The following RERE variants were observed in gnomAD, a reference collection of about 807,000 sequenced individuals.
The protein encoded by RERE is arginine-glutamic acid dipeptide repeats protein.
In RERE, 40 loss-of-function variants were observed where a neutral mutation model predicts 146.1. That is an observed-to-expected ratio of 0.27 (90% CI 0.21 to 0.36). The LOEUF (loss-of-function observed/expected upper bound fraction) is 0.36. RERE is among the 10% of genes least tolerant of loss of function. The pLI, the probability that RERE is intolerant of heterozygous loss-of-function variation, is 1.00. For missense variants in RERE, 1,933 were observed against 2,138.7 expected (o/e 0.90, Z 1.90); for synonymous variants, 1,003 against 866.0 (o/e 1.16, Z -2.78).
At chr1:8,616,355 C>G (rs1646852609) in intron 3 of RERE, among the ~76,000 whole-genome samples, 1 of 152,112 alleles carries the variant, frequency 6.6e-6, no homozygotes, top group African/African-American at 2.4e-5. Context: ...TTGACAGTAT[C>G]TGTTTCCCTA....
At chr1:8,390,804 TAAC>T (rs1642859944) in intron 12 of RERE, among the ~76,000 whole-genome samples, 1 of 152,156 alleles carries the variant, frequency 6.6e-6, no homozygotes, top group African/African-American at 2.4e-5. Flanking sequence ...CTCCCCATCT[TAAC>T]AAGCAGCACT....
In RERE at chr1:8,607,534, C is replaced by CTTTTTTTTTTTTTTTTTTTTTTTTTTTT. The variant is rs1167501074; in HGVS notation, c.522+6999_522+7026dup. On this transcript the variant is annotated intron_variant, in intron 4 of 22. Coordinates refer to ENST00000400908, the MANE Select transcript of RERE (RefSeq NM_001042681.2). ...CGCATATTTGTTTTTATATATATTT[C>CTTTTTTTTTTTTTTTTTTTTTTTTTTTT]TTTTTTTTTTTTTTTTTTTTTTTTT... 1.9e-4 allele frequency among the ~76,000 whole-genome samples: 9 copies of CTTTTTTTTTTTTTTTTTTTTTTTTTTTT among 48,584 alleles called. 1 individual carries two copies. The highest frequency in any genetic ancestry group is 2.6e-4 in the African/African-American group (3 of 11,664). 31.9% of individuals were successfully genotyped at this position (48,584 alleles called of 152,430 possible). A position where few individuals can be genotyped will look rare whatever the true frequency, so the allele number is the denominator to read the frequency against.
At chr1:8,582,972 A>G (rs1223330629) in intron 4 of RERE, among the ~76,000 whole-genome samples, 4 of 152,206 alleles carry the variant, frequency 2.6e-5, no homozygotes, top group Admixed American at 2.0e-4. Context: ...GATCATATCA[A>G]TGGGGGTTGG....
chr1:8,706,688 C>T (rs553780743), intron 1 of RERE, among the ~76,000 whole-genome samples: 1 of 152,328 alleles, frequency 6.6e-6, no homozygotes, highest in African/African-American at 2.4e-5. Context: ...CCCTTTTACA[C>T]TGAACTTACT....
Position 8,775,846 on chromosome 1 carries a change from A to G in RERE, c.-145+41314T>C, listed in dbSNP as rs532462655. On this transcript the variant is annotated intron_variant, in intron 1 of 22. Coordinates refer to ENST00000400908, the MANE Select transcript of RERE (RefSeq NM_001042681.2). The stretch of plus-strand genomic sequence containing the variant: ...ACAATTTTATGAGGTAGGTATTACT[A>G]CTATCTCCATTTTGTATCGAGGAAG... Among the ~76,000 whole-genome samples, 6 of 152,308 alleles carry G rather than the reference A, an allele frequency of 3.9e-5. No homozygotes were observed. The South Asian group carries it at 1.2e-3, about 32-fold the overall frequency.
chr1:8,451,735 C>T (rs976840907), intron 11 of RERE, among the ~76,000 whole-genome samples: 2 of 152,122 alleles, frequency 1.3e-5, no homozygotes, highest in African/African-American at 4.8e-5. Flanking sequence ...GCCCATGTCC[C>T]ACCCTAGGGA....
At chr1:8,482,357 A>G (rs1313447781) in intron 10 of RERE, among the ~76,000 whole-genome samples, 1 of 152,128 alleles carries the variant, frequency 6.6e-6, no homozygotes, top group African/African-American at 2.4e-5. Context: ...GAAACAAAGT[A>G]CTAAATTTTA....
At chr1:8,804,012 TTAA>T (rs1218981472) in intron 1 of RERE, among the ~76,000 whole-genome samples, 6 of 152,214 alleles carry the variant, frequency 3.9e-5, no homozygotes, top group Non-Finnish European at 7.3e-5. Flanking sequence ...CTAAGAAATA[TTAA>T]TATTAATGAA....
chr1:8,693,579 G>A (rs2124422963), intron 1 of RERE, among the ~76,000 whole-genome samples: 1 of 152,264 alleles, frequency 6.6e-6, no homozygotes, highest in Admixed American at 6.5e-5. Flanking sequence ...GGTGGCCAGG[G>A]GCTTGGGGGC....
At chr1:8,692,628 C>G (rs1037069966) in intron 1 of RERE, among the ~76,000 whole-genome samples, 4 of 152,098 alleles carry the variant, frequency 2.6e-5, no homozygotes, top group African/African-American at 9.7e-5. Flanking sequence ...GGATTACAGG[C>G]ATGAGCCACC....
intron 2 of RERE, among the ~76,000 whole-genome samples, chr1:8,644,055 A>C (rs1044012978): frequency 2.0e-5 from 3 of 152,136 alleles, no homozygotes; most frequent in African/African-American, 7.2e-5. Flanking sequence ...ACACAAAGCA[A>C]AACAAACTAT....
intron 12 of RERE, among the ~76,000 whole-genome samples, chr1:8,367,085 T>C (rs1387152401): frequency 3.3e-5 from 5 of 152,164 alleles, no homozygotes; most frequent in South Asian, 2.1e-4. Flanking sequence ...CTTTGTCTCA[T>C]CAAACACTGT....
At chr1:8,602,163 G>T (rs537931145) in intron 4 of RERE, among the ~76,000 whole-genome samples, 3 of 152,138 alleles carry the variant, frequency 2.0e-5, no homozygotes, top group Non-Finnish European at 4.4e-5. Context: ...GGCCGAAGTG[G>T]GTGGATTACA....
At chr1:8,722,873 C>G (rs1309604765) in intron 1 of RERE, among the ~76,000 whole-genome samples, 1 of 152,192 alleles carries the variant, frequency 6.6e-6, no homozygotes, top group Non-Finnish European at 1.5e-5. Context: ...GTCCTGGAAC[C>G]AATCCCCCAC....
At chr1:8,729,217 A>ATTTTTTTT (rs1173630956) in intron 1 of RERE, among the ~76,000 whole-genome samples, 4 of 100,418 alleles carry the variant, frequency 4.0e-5, no homozygotes, top group Non-Finnish European at 7.7e-5. Context: ...AGCTACACCG[A>ATTTTTTTT]TTTTTTTTTT....
intron 1 of RERE, chr1:8,798,623 C>A: frequency 4.5e-6 from 1 of 219,826 alleles, no homozygotes; most frequent in South Asian, 8.2e-5. Context: ...TGGATTTGAC[C>A]ACTATCCCCA....
chr1:8,648,971 T>A (rs1421449877), intron 2 of RERE, among the ~76,000 whole-genome samples: 24 of 149,300 alleles, frequency 1.6e-4, no homozygotes, highest in Admixed American at 1.0e-3. Flanking sequence ...TATGCCAAAA[T>A]AAAAAAAAAA....
intron 19 of RERE, among the ~76,000 whole-genome samples, chr1:8,359,343 G>A (rs1256270269): frequency 2.0e-5 from 3 of 152,184 alleles, no homozygotes; most frequent in Non-Finnish European, 2.9e-5. Flanking sequence ...CCCAGCCCAC[G>A]AGGGGGCCAC....
intron 12 of RERE, among the ~76,000 whole-genome samples, chr1:8,417,024 C>T (rs770109068): frequency 2.0e-5 from 3 of 152,184 alleles, no homozygotes; most frequent in Non-Finnish European, 4.4e-5. Context: ...TTCTAATGTA[C>T]TGGTATGTGG....
Sources: allele counts gnomAD v4.1 joint callset (sites outside exome capture counted in the v4.1 genomes callset), GRCh38; gene constraint gnomAD v4.1.1; transcripts MANE v1.5; gene names NCBI Gene and HGNC (gene_info 2026-07-23, HGNC 2026-07-21).